Variants in ZNF385D observed in about 807,000 individuals in gnomAD.
The protein encoded by ZNF385D is zinc finger protein 385D, also known as zinc finger protein 659.
In ZNF385D, 15 loss-of-function variants were observed where a neutral mutation model predicts 35.8. The ratio of observed to expected loss-of-function variants is 0.42; its 90% confidence interval spans 0.28 to 0.64. The LOEUF (loss-of-function observed/expected upper bound fraction) is 0.64, where lower values mean the gene tolerates loss of function less well. Ranked by LOEUF, ZNF385D falls within the 30% of genes least tolerant of loss-of-function variation. ZNF385D has a pLI of 0.23. For synonymous variants in ZNF385D, 212 were observed against 186.8 expected (o/e 1.13, Z -1.10); for missense variants, 474 against 494.6 (o/e 0.96, Z 0.39).
At chr3:21,642,274 C>G (rs1304696401) in intron 2 of ZNF385D, among the ~76,000 whole-genome samples, 3 of 152,070 alleles carry the variant, frequency 2.0e-5, no homozygotes, top group African/African-American at 7.2e-5. Flanking sequence ...TCTCCAAGAC[C>G]CCTTTCTCTG....
chr3:22,005,083 A>AAAAC (rs1553717904), intron 3 of ZNF385D, among the ~76,000 whole-genome samples: 1 of 117,312 alleles, frequency 8.5e-6, no homozygotes, highest in Non-Finnish European at 1.7e-5. Context: ...AAAAAAAAAA[A>AAAAC]AGGCAGAAAA....
chr3:22,013,601 T>C (rs1001973111), intron 3 of ZNF385D, among the ~76,000 whole-genome samples: 3 of 152,080 alleles, frequency 2.0e-5, no homozygotes, highest in Non-Finnish European at 4.4e-5. Flanking sequence ...GGATTAGAAA[T>C]CAAGTCGACC....
intron 3 of ZNF385D, among the ~76,000 whole-genome samples, chr3:21,896,865 T>C (rs1699166056): frequency 6.6e-6 from 1 of 152,036 alleles, no homozygotes. Context: ...GGTGAGTTTG[T>C]TGTCTGCAAT....
At chr3:22,370,424 C>T (rs1014583356) in intron 2 of ZNF385D, among the ~76,000 whole-genome samples, 5 of 151,954 alleles carry the variant, frequency 3.3e-5, no homozygotes, top group Admixed American at 2.0e-4. Flanking sequence ...GCTGGCAGTC[C>T]GAATTATATA....
chr3:22,319,163 A>C (rs938557233), intron 2 of ZNF385D, among the ~76,000 whole-genome samples: 2 of 152,180 alleles, frequency 1.3e-5, no homozygotes, highest in African/African-American at 4.8e-5. Context: ...TTTTAGAAGC[A>C]CATGGGGGAA....
At chr3:22,220,639 T>C (rs1698195541) in intron 2 of ZNF385D, among the ~76,000 whole-genome samples, 1 of 152,208 alleles carries the variant, frequency 6.6e-6, no homozygotes, top group African/African-American at 2.4e-5. Context: ...TATTTCATAC[T>C]TCTGAGTCTT....
chr3:21,816,505 C>T (rs2073155648), intron 3 of ZNF385D, among the ~76,000 whole-genome samples: 1 of 152,138 alleles, frequency 6.6e-6, no homozygotes, highest in African/African-American at 2.4e-5. Context: ...AATCAATATG[C>T]AAATATCACA....
chr3:21,884,322 C>A (rs981498385), intron 3 of ZNF385D, among the ~76,000 whole-genome samples: 1 of 151,930 alleles, frequency 6.6e-6, no homozygotes, highest in East Asian at 1.9e-4. Flanking sequence ...AGTAGCCTTG[C>A]CTAAGTAAAT....
At chr3:22,098,054 T>A (rs1373318070) in intron 3 of ZNF385D, among the ~76,000 whole-genome samples, 1 of 151,646 alleles carries the variant, frequency 6.6e-6, no homozygotes, top group East Asian at 1.9e-4. Context: ...ATACCTAGAG[T>A]GTGTTGGCAG....
intron 2 of ZNF385D, among the ~76,000 whole-genome samples, chr3:21,658,067 A>G (rs924202961): frequency 6.6e-6 from 1 of 152,130 alleles, no homozygotes; most frequent in Middle Eastern, 3.4e-3. Flanking sequence ...CTGTATTTTT[A>G]TCTGTAATAT....
chr3:21,981,659 T>C (rs550787726), intron 3 of ZNF385D, among the ~76,000 whole-genome samples: 7 of 152,290 alleles, frequency 4.6e-5, no homozygotes, highest in African/African-American at 1.4e-4. Flanking sequence ...CAGGGTGGTA[T>C]TGCCTAGATT....
At chr3:22,010,690 C>T (rs1696515811) in intron 3 of ZNF385D, among the ~76,000 whole-genome samples, 1 of 152,170 alleles carries the variant, frequency 6.6e-6, no homozygotes, top group Non-Finnish European at 1.5e-5. Context: ...GGATCCCAGA[C>T]TCACCTCGCT....
At chr3:21,962,493 C>T (rs1440558186) in intron 3 of ZNF385D, among the ~76,000 whole-genome samples, 1 of 152,170 alleles carries the variant, frequency 6.6e-6, no homozygotes, top group Non-Finnish European at 1.5e-5. Flanking sequence ...AGAAATAGCA[C>T]ATTATGTTCA....
chr3:22,026,109 T>C (rs1697532575), intron 3 of ZNF385D, among the ~76,000 whole-genome samples: 2 of 152,066 alleles, frequency 1.3e-5, no homozygotes, highest in African/African-American at 4.8e-5. Context: ...TGATAGGAAG[T>C]GAAATTGTTA....
At chr3:21,749,890 T>C (rs1042636156) in intron 1 of ZNF385D, among the ~76,000 whole-genome samples, 1 of 152,220 alleles carries the variant, frequency 6.6e-6, no homozygotes, top group African/African-American at 2.4e-5. Flanking sequence ...AAATACCTCT[T>C]TAATCTGAAA....
intron 4 of ZNF385D, among the ~76,000 whole-genome samples, chr3:21,437,420 AC>A (rs1446700268): frequency 6.6e-6 from 1 of 152,052 alleles, no homozygotes; most frequent in Non-Finnish European, 1.5e-5. Flanking sequence ...TGATTCTTGA[AC>A]ATCAATATAA....
chr3:21,461,095 A>G (rs1194804325), intron 4 of ZNF385D, among the ~76,000 whole-genome samples: 1 of 152,176 alleles, frequency 6.6e-6, no homozygotes, highest in African/African-American at 2.4e-5. Flanking sequence ...CAAGACCACA[A>G]TATATATTTC....
chr3:22,090,461 A>C (rs1431750650), intron 3 of ZNF385D, among the ~76,000 whole-genome samples: 2 of 152,092 alleles, frequency 1.3e-5, no homozygotes, highest in Non-Finnish European at 2.9e-5. Flanking sequence ...TATAAGGAGC[A>C]TGGTGTGGGA....
At chr3:21,859,269 C>T (rs1476058378) in intron 3 of ZNF385D, among the ~76,000 whole-genome samples, 1 of 151,952 alleles carries the variant, frequency 6.6e-6, no homozygotes, top group African/African-American at 2.4e-5. Flanking sequence ...ATACCCTGCC[C>T]GCAGATTCAC....
Sources: allele counts gnomAD v4.1 joint callset (sites outside exome capture counted in the v4.1 genomes callset), GRCh38; gene constraint gnomAD v4.1.1; transcripts MANE v1.5; gene names NCBI Gene and HGNC (gene_info 2026-07-23, HGNC 2026-07-21).